The following ANKRD62 variants were observed in gnomAD, a reference collection of about 807,000 sequenced individuals.
ANKRD62 encodes the protein ankyrin repeat domain 62.
Under a neutral mutation model 98.8 loss-of-function variants are expected in ANKRD62, and 61 were observed. That is an observed-to-expected ratio of 0.62 (90% CI 0.50 to 0.76). The LOEUF (loss-of-function observed/expected upper bound fraction) is 0.76. Among genes scored for constraint, ANKRD62 ranks in the 30% least tolerant of loss-of-function variants. The probability of loss-of-function intolerance (pLI) is 0.00; values close to 1 mark genes in which losing one functional copy is unlikely to be tolerated. For synonymous variants in ANKRD62, 341 were observed against 367.9 expected (o/e 0.93, Z 0.84); for missense variants, 933 against 1,082.9 (o/e 0.86, Z 1.94).
chr18:12,123,460 C>G (rs1909823740), intron 11 of ANKRD62, among the ~76,000 whole-genome samples: 1 of 152,194 alleles, frequency 6.6e-6, no homozygotes, highest in Admixed American at 6.5e-5. Context: ...ATTCAAACTT[C>G]TATGCGGAAG....
intron 8 of ANKRD62, among the ~76,000 whole-genome samples, chr18:12,110,668 C>T (rs1568061666): frequency 6.6e-6 from 1 of 152,106 alleles, no homozygotes; most frequent in East Asian, 1.9e-4. Flanking sequence ...TCACTCTCAC[C>T]GCTCCTCCAA....
In ANKRD62 at chr18:12,094,076, A is replaced by G; in HGVS notation, c.59A>G (p.Lys20Arg). 6.5e-7 allele frequency: 1 copy of G among 1,535,158 alleles called. No individual in the cohort carries two copies. Among genetic ancestry groups the G allele is most frequent in the Non-Finnish European group, 8.7e-7 (1 of 1,146,752 alleles). ...AGGAGACGCATGGCTACCTGGAGGA[A>G]GAATCGTGACAAGGATGGCTTCTCA... Reference protein sequence around the residue: ...ACRRRMATWRKNRDKDGFSNP... With the variant: ...ACRRRMATWRRNRDKDGFSNP... The change falls in exon 1 of 14, where the codon AAG becomes AGG. Residue 20 changes from lysine to arginine, a missense_variant. By Grantham distance (26) the Lys-to-Arg change is conservative. Around this residue, in one of 3 missense-constraint regions of ANKRD62, gnomAD observed 549 missense variants for 587.9 expected, o/e 0.93. Coordinates refer to ENST00000587848, the MANE Select transcript of ANKRD62 (RefSeq NM_001277333.2).
chr18:12,157,828 G>C, the ANKRD62 span, among the ~76,000 whole-genome samples: 1 of 152,312 alleles, frequency 6.6e-6, no homozygotes, highest in South Asian at 2.1e-4. Context: ...AAAGGTCTTG[G>C]CTGGGATGGG....
the ANKRD62 span, among the ~76,000 whole-genome samples, chr18:12,180,926 T>C: frequency 0.12 from 15,219 of 131,324 alleles, 911 homozygotes; most frequent in East Asian, 0.24. Context: ...GTATATCTCC[T>C]AATGCTATCC....
the ANKRD62 span, among the ~76,000 whole-genome samples, chr18:12,135,539 G>A: frequency 3.5e-4 from 53 of 151,246 alleles, no homozygotes; most frequent in East Asian, 7.6e-3. Context: ...ATGATTTATC[G>A]TCCTTTGGGT....
At chr18:12,169,607 G>A in the ANKRD62 span, among the ~76,000 whole-genome samples, 1 of 152,016 alleles carries the variant, frequency 6.6e-6, no homozygotes, top group African/African-American at 2.4e-5. Context: ...TTTTTGTTGT[G>A]TCTCTGCCAG....
chr18:12,158,982 C>G, the ANKRD62 span, among the ~76,000 whole-genome samples: 1 of 152,232 alleles, frequency 6.6e-6, no homozygotes, highest in Non-Finnish European at 1.5e-5. Context: ...CTAGTTCAGA[C>G]CTTCCACAAA....
At chr18:12,169,897 A>T in the ANKRD62 span, among the ~76,000 whole-genome samples, 1 of 151,894 alleles carries the variant, frequency 6.6e-6, no homozygotes, top group African/African-American at 2.4e-5. Flanking sequence ...TTTCTTCTAG[A>T]TTTTCTAGTT....
chr18:12,175,418 G>T, the ANKRD62 span, among the ~76,000 whole-genome samples: 5 of 152,102 alleles, frequency 3.3e-5, no homozygotes, highest in Non-Finnish European at 7.3e-5. Flanking sequence ...GACAGGGTGG[G>T]GTGTATGCAC....
the ANKRD62 span, among the ~76,000 whole-genome samples, chr18:12,140,734 G>A: frequency 8.7e-4 from 132 of 152,300 alleles, 1 homozygote; most frequent in Middle Eastern, 3.4e-3. Flanking sequence ...GTACCCGGCC[G>A]TGTGAGGTGT....
chr18:12,110,253 G>C (rs1909511199), intron 8 of ANKRD62, among the ~76,000 whole-genome samples: 1 of 152,112 alleles, frequency 6.6e-6, no homozygotes, highest in African/African-American at 2.4e-5. Context: ...TAATTGTTTT[G>C]TGTATTTGAT....
At position 12,115,428 on chromosome 18, in the gene ANKRD62, T is replaced by C. The variant is rs769091664; in HGVS notation, c.1134T>C (p.Asn378=). The C allele has an allele frequency of 3.1e-4, 474 of 1,536,618 alleles. 1 individual carries two copies. Among genetic ancestry groups the C allele is most frequent in the Non-Finnish European group, 3.8e-4 (431 of 1,146,492 alleles). The change falls in exon 10 of 14, where the codon AAT becomes AAC. Residue 378 remains asparagine (N), a synonymous_variant. Transcript: ENST00000587848. ...AAATATATTTCACGGATGACCTTAA[T>C]GACATAAGTGGGTCATCTGAAAAAA... is the stretch of plus-strand genomic sequence containing the variant. ...KSQIYFTDDL[N]DISGSSEKTS... is the part of the protein sequence containing the mutation.
At chr18:12,181,568 T>C in the ANKRD62 span, among the ~76,000 whole-genome samples, 1 of 151,958 alleles carries the variant, frequency 6.6e-6, no homozygotes, top group Non-Finnish European at 1.5e-5. Context: ...AGGTACACAA[T>C]TGATGATTTA....
At chr18:12,112,980 C>T (rs1466263891) in intron 8 of ANKRD62, among the ~76,000 whole-genome samples, 1 of 152,130 alleles carries the variant, frequency 6.6e-6, no homozygotes, top group Non-Finnish European at 1.5e-5. Flanking sequence ...ACTGCAACCT[C>T]CCCATCCCGG....
chr18:12,171,525 T>C, the ANKRD62 span, among the ~76,000 whole-genome samples: 1 of 152,362 alleles, frequency 6.6e-6, no homozygotes, highest in East Asian at 1.9e-4. Flanking sequence ...TGTGATGGGC[T>C]TCCCTTTGTG....
the ANKRD62 span, among the ~76,000 whole-genome samples, chr18:12,154,930 A>G: frequency 6.6e-6 from 1 of 152,190 alleles, no homozygotes; most frequent in Non-Finnish European, 1.5e-5. Context: ...AGAACTCATG[A>G]ACGCAGAGAA....
intron 8 of ANKRD62, among the ~76,000 whole-genome samples, chr18:12,110,197 T>C (rs1909509746): frequency 1.3e-5 from 2 of 152,250 alleles, no homozygotes; most frequent in African/African-American, 4.8e-5. Context: ...TATTTTTGCA[T>C]TGTCACTTTT....
At chr18:12,177,751 G>C in the ANKRD62 span, among the ~76,000 whole-genome samples, 8 of 150,062 alleles carry the variant, frequency 5.3e-5, 1 homozygote, top group African/African-American at 2.0e-4. Context: ...ATATAGGCAG[G>C]AATGTGCTTT....
chr18:12,131,042 T>C (rs1022980046), downstream of ANKRD62, among the ~76,000 whole-genome samples: 1 of 152,188 alleles, frequency 6.6e-6, no homozygotes, highest in Non-Finnish European at 1.5e-5. Context: ...TAACTGTGTT[T>C]CCACCACAGC....
Sources: gnomAD v4.1 joint callset for allele counts (sites outside exome capture counted in the v4.1 genomes callset) on GRCh38, gnomAD v4.1.1 for gene constraint, gnomAD v4.1.1 regional missense constraint, MANE v1.5 for transcripts, NCBI Gene and HGNC (gene_info 2026-07-23, HGNC 2026-07-21) for gene names.